The following LRRC4C variants were observed in gnomAD, a reference collection of about 807,000 sequenced individuals.
The protein encoded by LRRC4C is leucine-rich repeat-containing protein 4C.
In LRRC4C, 5 loss-of-function variants were observed where a neutral mutation model predicts 33.6. The ratio of observed to expected loss-of-function variants is 0.15; its 90% CI spans 0.08 to 0.31. LRRC4C has a LOEUF of 0.31. Among genes scored for constraint, LRRC4C ranks in the 10% least tolerant of loss-of-function variants. The pLI is 1.00. For synonymous variants in LRRC4C, 329 were observed against 302.0 expected (o/e 1.09, Z -0.93); for missense variants, 560 against 796.7 (o/e 0.70, Z 3.58).
At chr11:40,765,672 A>G (rs991381228) in intron 2 of LRRC4C, among the ~76,000 whole-genome samples, 13 of 152,106 alleles carry the variant, frequency 8.5e-5, no homozygotes, top group African/African-American at 3.1e-4. Context: ...CAGCTGAAAA[A>G]TGCAATGTAT....
At chr11:40,536,922 C>G (rs188841964) in intron 3 of LRRC4C, among the ~76,000 whole-genome samples, 4 of 152,122 alleles carry the variant, frequency 2.6e-5, no homozygotes, top group South Asian at 2.1e-4. Flanking sequence ...TGTCAACTAC[C>G]CTTTCTGGAA....
intron 3 of LRRC4C, among the ~76,000 whole-genome samples, chr11:40,522,346 C>G (rs1473890985): frequency 6.6e-6 from 1 of 152,154 alleles, no homozygotes; most frequent in Non-Finnish European, 1.5e-5. Context: ...TGAAAAAGTT[C>G]TGCAGATGGA....
intron 1 of LRRC4C, among the ~76,000 whole-genome samples, chr11:41,102,649 T>C (rs1263690578): frequency 6.6e-6 from 1 of 152,050 alleles, no homozygotes; most frequent in East Asian, 1.9e-4. Context: ...AATAAGCTAC[T>C]ATATTTGGGT....
intron 1 of LRRC4C, among the ~76,000 whole-genome samples, chr11:41,061,218 G>A (rs1047143176): frequency 1.3e-5 from 2 of 152,158 alleles, no homozygotes; most frequent in Non-Finnish European, 2.9e-5. Flanking sequence ...GAGTGGAGAT[G>A]CAAGGCGAGG....
At chr11:40,159,688 C>A (rs1858998631) in intron 5 of LRRC4C, among the ~76,000 whole-genome samples, 1 of 152,282 alleles carries the variant, frequency 6.6e-6, no homozygotes. Context: ...CACTTCCGTA[C>A]AAATACTACT....
chr11:40,802,492 A>G (rs1355329084), intron 2 of LRRC4C, among the ~76,000 whole-genome samples: 1 of 132,814 alleles, frequency 7.5e-6, no homozygotes, highest in Non-Finnish European at 1.7e-5. Context: ...CATAATTCTT[A>G]GGAGGTTAGA....
chr11:40,554,197 G>A (rs1434643451), intron 3 of LRRC4C, among the ~76,000 whole-genome samples: 2 of 152,084 alleles, frequency 1.3e-5, no homozygotes, highest in Non-Finnish European at 2.9e-5. Flanking sequence ...TGAATAGAAG[G>A]TCCTTTCACC....
intron 2 of LRRC4C, among the ~76,000 whole-genome samples, chr11:40,811,586 C>T (rs1352568472): frequency 2.0e-5 from 3 of 152,132 alleles, no homozygotes; most frequent in African/African-American, 7.2e-5. Context: ...CAACCTCTGC[C>T]TCCTGGATTC....
chr11:41,242,524 A>G (rs1948294027), intron 1 of LRRC4C, among the ~76,000 whole-genome samples: 1 of 152,126 alleles, frequency 6.6e-6, no homozygotes, highest in South Asian at 2.1e-4. Context: ...GAACTCAGAT[A>G]TCCTGTGCAT....
chr11:41,158,048 T>A (rs1223944237), intron 1 of LRRC4C, among the ~76,000 whole-genome samples: 1 of 152,100 alleles, frequency 6.6e-6, no homozygotes, highest in Non-Finnish European at 1.5e-5. Context: ...CCAATTCTCC[T>A]CCTCCTAATC....
chr11:41,209,094 T>C (rs916148726), intron 1 of LRRC4C, among the ~76,000 whole-genome samples: 1 of 151,424 alleles, frequency 6.6e-6, no homozygotes, highest in African/African-American at 2.4e-5. Flanking sequence ...AAAAACCCGT[T>C]AGGTACTAAG....
chr11:40,527,989 G>A (rs370076221), intron 3 of LRRC4C, among the ~76,000 whole-genome samples: 5 of 151,982 alleles, frequency 3.3e-5, no homozygotes, highest in East Asian at 1.9e-4. Context: ...CAAGTGATCC[G>A]CCTGCCCTGG....
chr11:40,974,437 A>C (rs930920526), intron 1 of LRRC4C, among the ~76,000 whole-genome samples: 1 of 152,218 alleles, frequency 6.6e-6, no homozygotes, highest in Non-Finnish European at 1.5e-5. Context: ...TACCATTAAA[A>C]TGATGCCAAA....
At chr11:41,393,485 AG>A (rs1197643555) in intron 1 of LRRC4C, among the ~76,000 whole-genome samples, 1 of 151,730 alleles carries the variant, frequency 6.6e-6, no homozygotes, top group Admixed American at 6.6e-5. Flanking sequence ...GGGTAGGGGC[AG>A]GGGGGAGGAG....
chr11:40,426,922 G>GT (rs1189655633), intron 3 of LRRC4C, among the ~76,000 whole-genome samples: 1 of 152,088 alleles, frequency 6.6e-6, no homozygotes, highest in African/African-American at 2.4e-5. Flanking sequence ...TTCTGGTCAA[G>GT]TTTTTTCCTT....
At chr11:40,594,653 C>T (rs1959189212) in intron 3 of LRRC4C, among the ~76,000 whole-genome samples, 1 of 152,006 alleles carries the variant, frequency 6.6e-6, no homozygotes, top group South Asian at 2.1e-4. Flanking sequence ...TAGCTGAGAC[C>T]ACATATTCAG....
chr11:41,397,335 C>T (rs1364506143), intron 1 of LRRC4C, among the ~76,000 whole-genome samples: 1 of 151,914 alleles, frequency 6.6e-6, no homozygotes, highest in Non-Finnish European at 1.5e-5. Flanking sequence ...CTTTCTCCTC[C>T]TCCTCAGCCT....
At chr11:41,442,468 T>TTTTTTTTTTTTTTTTTTTTTTTC (rs1955658506) in intron 1 of LRRC4C, among the ~76,000 whole-genome samples, 2 of 106,534 alleles carry the variant, frequency 1.9e-5, no homozygotes, top group Middle Eastern at 6.0e-3. Flanking sequence ...CTTTTTTTTT[T>TTTTTTTTTTTTTTTTTTTTTTTC]TTTTTTTTTT....
intron 3 of LRRC4C, among the ~76,000 whole-genome samples, chr11:40,603,579 A>G (rs1040191427): frequency 3.3e-5 from 5 of 152,324 alleles, no homozygotes; most frequent in African/African-American, 1.2e-4. Context: ...GTGGATGTAG[A>G]TGGTGTACAG....
Sources: allele counts gnomAD v4.1 joint callset (sites outside exome capture counted in the v4.1 genomes callset), GRCh38; gene constraint gnomAD v4.1.1; transcripts MANE v1.5; gene names NCBI Gene and HGNC (gene_info 2026-07-23, HGNC 2026-07-21).